LRFN5: variants seen among roughly 807,000 people sequenced by gnomAD.
The protein encoded by LRFN5 is leucine rich repeat and fibronectin type III domain containing 5, also known as leucine-rich repeat and fibronectin type-III domain-containing protein 5.
A neutral mutation model predicts 45.6 loss-of-function variants in LRFN5; 24 were observed. That is an observed-to-expected ratio of 0.53 (90% CI 0.38 to 0.74). The LOEUF is 0.74. Ranked by LOEUF, LRFN5 falls within the 30% of genes least tolerant of loss-of-function variation. The probability of loss-of-function intolerance (pLI) is 0.00; values close to 1 mark genes in which losing one functional copy is unlikely to be tolerated. For synonymous variants in LRFN5, 340 were observed against 313.8 expected (o/e 1.08, Z -0.88); for missense variants, 776 against 861.5 (o/e 0.90, Z 1.24).
chr14:41,609,257 C>T (rs904307308), intron 1 of LRFN5, among the ~76,000 whole-genome samples: 2 of 152,264 alleles, frequency 1.3e-5, no homozygotes, highest in African/African-American at 4.8e-5. Context: ...CGATAGCCAC[C>T]ACCCAACATT....
chr14:41,862,626 A>G (rs1258382153), intron 2 of LRFN5, among the ~76,000 whole-genome samples: 1 of 152,182 alleles, frequency 6.6e-6, no homozygotes, highest in African/African-American at 2.4e-5. Context: ...TTAAGTAGAA[A>G]ATGCCAAGTT....
intron 2 of LRFN5, among the ~76,000 whole-genome samples, chr14:41,853,827 C>T (rs914895583): frequency 6.6e-6 from 1 of 152,004 alleles, no homozygotes; most frequent in Non-Finnish European, 1.5e-5. Flanking sequence ...TGTTTAGATA[C>T]CAGCTAGAGG....
At chr14:41,823,797 A>G (rs897178996) in intron 2 of LRFN5, among the ~76,000 whole-genome samples, 61 of 152,302 alleles carry the variant, frequency 4.0e-4, no homozygotes, top group African/African-American at 1.4e-3. Context: ...CTTCTCTCTC[A>G]GAAATACCCA....
chr14:41,754,193 G>T (rs374395833), intron 1 of LRFN5, among the ~76,000 whole-genome samples: 1 of 152,060 alleles, frequency 6.6e-6, no homozygotes. Flanking sequence ...TTTTTGCATC[G>T]ATGTTCATCG....
chr14:41,663,692 A>G (rs1880761961), intron 1 of LRFN5, among the ~76,000 whole-genome samples: 1 of 151,954 alleles, frequency 6.6e-6, no homozygotes, highest in African/African-American at 2.4e-5. Flanking sequence ...TTAGTTATGT[A>G]TGCATCGATA....
chr14:41,670,648 G>C (rs1256221147), intron 1 of LRFN5, among the ~76,000 whole-genome samples: 1 of 151,660 alleles, frequency 6.6e-6, no homozygotes, highest in East Asian at 1.9e-4. Flanking sequence ...TTCATCTTTG[G>C]TTGTATCCAG....
At chr14:41,886,019 C>CACAAAA (rs1555329599) in intron 2 of LRFN5, among the ~76,000 whole-genome samples, 6 of 88,784 alleles carry the variant, frequency 6.8e-5, no homozygotes, top group African/African-American at 2.8e-4. Context: ...AGGCTCGTCT[C>CACAAAA]AAAAAAAAAA....
intron 1 of LRFN5, among the ~76,000 whole-genome samples, chr14:41,695,796 G>A (rs1882584534): frequency 6.6e-6 from 1 of 152,006 alleles, no homozygotes; most frequent in South Asian, 2.1e-4. Flanking sequence ...TGATAGAGAT[G>A]TACGAGGAGA....
chr14:41,848,552 A>G (rs904133043), intron 2 of LRFN5, among the ~76,000 whole-genome samples: 1 of 151,978 alleles, frequency 6.6e-6, no homozygotes, highest in African/African-American at 2.4e-5. Context: ...AGAGGGCTTC[A>G]GGTTGTGTTT....
chr14:41,896,830 C>A (rs1890955049), intron 4 of LRFN5, among the ~76,000 whole-genome samples: 1 of 151,970 alleles, frequency 6.6e-6, no homozygotes, highest in African/African-American at 2.4e-5. Context: ...CAGTGGCTCA[C>A]ACCTGTAATC....
chr14:41,746,916 A>AAT (rs1884944434), intron 1 of LRFN5, among the ~76,000 whole-genome samples: 1 of 151,964 alleles, frequency 6.6e-6, no homozygotes. Flanking sequence ...CTAATAATGA[A>AAT]CAGTATGAAA....
chr14:41,658,886 A>G (rs929133534), intron 1 of LRFN5, among the ~76,000 whole-genome samples: 3 of 151,952 alleles, frequency 2.0e-5, no homozygotes, highest in African/African-American at 7.2e-5. Flanking sequence ...TGGTTTATCT[A>G]ATTTATCAAA....
intron 1 of LRFN5, among the ~76,000 whole-genome samples, chr14:41,624,535 T>C (rs1412151450): frequency 1.3e-5 from 2 of 152,160 alleles, no homozygotes; most frequent in African/African-American, 4.8e-5. Context: ...ATTGTATGAT[T>C]CTGCAGGGAA....
intron 4 of LRFN5, chr14:41,894,208 A>T (rs939845417): frequency 1.0e-6 from 1 of 985,280 alleles, no homozygotes. Context: ...AAATCATGCA[A>T]CATTAGCAAG....
chr14:41,656,359 T>G (rs751777080), intron 1 of LRFN5, among the ~76,000 whole-genome samples: 7 of 152,036 alleles, frequency 4.6e-5, no homozygotes, highest in Non-Finnish European at 8.8e-5. Flanking sequence ...ATGAAAGAAA[T>G]GAATTTGAAC....
rs201977258 is a variant in LRFN5 at position 41,904,404 on chromosome 14, A to AT, written c.*239dup. 2.6e-3 allele frequency: 1,092 copies of AT among 425,494 alleles called. No individual in the cohort carries two copies. Among genetic ancestry groups the AT allele is most frequent in the Middle Eastern group, 5.1e-3 (8 of 1,584 alleles). 26.4% of individuals were successfully genotyped at this position (425,494 alleles called of 1,614,324 possible). On this transcript the variant is annotated 3_prime_UTR_variant, in exon 6 of 6. Transcript: ENST00000298119. ...TTTTTTTTTCTTCTGGCCTACAAGT[A>AT]TTTTTTTTTTAAAAAAGAAAAAAAG...
At chr14:41,756,428 A>C (rs182247545) in intron 1 of LRFN5, among the ~76,000 whole-genome samples, 1 of 152,062 alleles carries the variant, frequency 6.6e-6, no homozygotes, top group Non-Finnish European at 1.5e-5. Context: ...TGACCTTTTC[A>C]CATAGTCCCA....
intron 1 of LRFN5, among the ~76,000 whole-genome samples, chr14:41,659,009 T>C (rs1880506015): frequency 6.6e-6 from 1 of 151,996 alleles, no homozygotes; most frequent in Admixed American, 6.6e-5. Flanking sequence ...TAAAATTTCT[T>C]TTGGCTCTAT....
chr14:41,629,445 A>G (rs971996335), intron 1 of LRFN5, among the ~76,000 whole-genome samples: 25 of 152,196 alleles, frequency 1.6e-4, no homozygotes, highest in Non-Finnish European at 3.1e-4. Context: ...TCTCTTCAAC[A>G]CACTAAGATA....
Sources: gnomAD v4.1 joint callset for allele counts (sites outside exome capture counted in the v4.1 genomes callset) on GRCh38, gnomAD v4.1.1 for gene constraint, MANE v1.5 for transcripts, NCBI Gene and HGNC (gene_info 2026-07-23, HGNC 2026-07-21) for gene names.